Variants in TTLL11 observed in about 807,000 individuals in gnomAD.
TTLL11 encodes the protein tubulin tyrosine ligase like 11.
In TTLL11, 42 loss-of-function variants were observed where a neutral mutation model predicts 51.7. The ratio of observed to expected loss-of-function variants is 0.81; its 90% CI spans 0.64 to 1.05. The LOEUF (loss-of-function observed/expected upper bound fraction) is 1.05, where lower values mean the gene tolerates loss of function less well. Ranked by LOEUF, TTLL11 falls within the 50% of genes least tolerant of loss-of-function variation. The pLI, the probability that TTLL11 is intolerant of heterozygous loss-of-function variation, is 0.00. For synonymous variants in TTLL11, 381 were observed against 383.5 expected (o/e 0.99, Z 0.08); for missense variants, 799 against 940.4 (o/e 0.85, Z 1.97).
At position 121,917,538 on chromosome 9, in the gene TTLL11, G is replaced by A. The variant is rs1036641259; in HGVS notation, c.1482-46790C>T. On this transcript the variant is annotated intron_variant, in intron 6 of 8. Transcript: ENST00000321582. ...GAGAGAAAGAAAGGAAGGAAGGAAG[G>A]AAGGAAGAAAAAGAAAAAGAAAGAA... Among the ~76,000 whole-genome samples, 974 of 128,162 alleles carry A rather than the reference G, an allele frequency of 7.6e-3. 12 individuals are homozygous for A. The highest frequency in any genetic ancestry group is 0.033 in the African/African-American group (932 of 28,648). The allele number at this position is 128,162 out of a possible 152,430, so 84.1% of individuals were successfully genotyped here.
intron 6 of TTLL11, 77 bp downstream of exon 6, chr9:121,973,932 G>T: frequency 2.0e-6 from 2 of 1,005,908 alleles, no homozygotes; most frequent in South Asian, 1.5e-5. Flanking sequence ...CAGGTTCCAA[G>T]AACTTACCTG....
chr9:121,897,567 C>G (rs1010228203), intron 6 of TTLL11, among the ~76,000 whole-genome samples: 5 of 151,822 alleles, frequency 3.3e-5, no homozygotes, highest in Non-Finnish European at 5.9e-5. Context: ...AATGTCGACT[C>G]TTGGCTACCC....
chr9:121,960,068 G>C (rs941176038), intron 6 of TTLL11, among the ~76,000 whole-genome samples: 2 of 151,772 alleles, frequency 1.3e-5, no homozygotes, highest in Non-Finnish European at 2.9e-5. Context: ...CACACCTCCC[G>C]CTGCCCATCC....
chr9:121,852,169 G>A (rs1217205849), intron 8 of TTLL11, among the ~76,000 whole-genome samples: 1 of 152,198 alleles, frequency 6.6e-6, no homozygotes, highest in Non-Finnish European at 1.5e-5. Flanking sequence ...GCACTGTGTG[G>A]ACAAGTGACT....
chr9:121,923,149 C>T (rs1250795933), intron 6 of TTLL11, among the ~76,000 whole-genome samples: 1 of 152,128 alleles, frequency 6.6e-6, no homozygotes, highest in African/African-American at 2.4e-5. Flanking sequence ...GATTCTAGAG[C>T]TGGGTTTTAT....
chr9:122,052,079 G>GA (rs1288606437), intron 1 of TTLL11, among the ~76,000 whole-genome samples: 2 of 152,154 alleles, frequency 1.3e-5, no homozygotes, highest in East Asian at 3.8e-4. Flanking sequence ...AATACTGGTG[G>GA]AAATTGATGA....
Position 121,950,130 on chromosome 9 carries a change from G to C in TTLL11, c.1481+23879C>G, listed in dbSNP as rs1438243446. ...CCTGTACCATGTTGCGTCTGCACTA[G>C]CTTCATGCATTGGAAGAGTATTCCA... On this transcript the variant is annotated intron_variant, in intron 6 of 8. Transcript: ENST00000321582. 2.6e-5 allele frequency among the ~76,000 whole-genome samples: 4 copies of C among 152,234 alleles called. No individual in the cohort carries two copies. In the East Asian group the frequency reaches 5.8e-4, roughly 22 times the overall value.
chr9:122,006,999 A>AAC (rs1843673235), intron 3 of TTLL11, among the ~76,000 whole-genome samples: 1 of 147,284 alleles, frequency 6.8e-6, no homozygotes, highest in South Asian at 2.1e-4. Flanking sequence ...AAAAAAAAAA[A>AAC]AAAAAAAAAA....
At chr9:122,008,234 T>C (rs1033434448) in intron 3 of TTLL11, among the ~76,000 whole-genome samples, 1 of 152,238 alleles carries the variant, frequency 6.6e-6, no homozygotes, top group African/African-American at 2.4e-5. Context: ...TCTTTTGCTA[T>C]ACATTATTTG....
chr9:121,982,606 A>C, intron 4 of TTLL11, among the ~76,000 whole-genome samples: 1 of 151,450 alleles, frequency 6.6e-6, no homozygotes, highest in Non-Finnish European at 1.5e-5. Flanking sequence ...GCTGTAATCC[A>C]GCTACTTGGG....
chr9:121,984,328 A>G (rs761624727), intron 4 of TTLL11, among the ~76,000 whole-genome samples: 6 of 152,250 alleles, frequency 3.9e-5, no homozygotes, highest in Non-Finnish European at 7.3e-5. Context: ...GTGGTTACAG[A>G]TAACAAACAA....
intron 1 of TTLL11, among the ~76,000 whole-genome samples, chr9:122,060,410 A>T (rs1372600797): frequency 6.6e-6 from 1 of 152,256 alleles, no homozygotes; most frequent in Non-Finnish European, 1.5e-5. Flanking sequence ...TTCACTGCTC[A>T]GAAGAGGAAT....
At chr9:121,927,628 ATTTTT>A (rs59367881) in intron 6 of TTLL11, among the ~76,000 whole-genome samples, 46 of 144,088 alleles carry the variant, frequency 3.2e-4, no homozygotes, top group Non-Finnish European at 2.8e-4. Flanking sequence ...AGAAGGTGGC[ATTTTT>A]TTTTTTTTTT....
intron 3 of TTLL11, among the ~76,000 whole-genome samples, chr9:122,003,307 C>A (rs1345654093): frequency 6.6e-6 from 1 of 151,994 alleles, no homozygotes. Context: ...AATAGGCACT[C>A]ATACATATTC....
intron 8 of TTLL11, among the ~76,000 whole-genome samples, chr9:121,823,561 A>G (rs1336428607): frequency 6.6e-6 from 1 of 152,182 alleles, no homozygotes; most frequent in African/African-American, 2.4e-5. Context: ...ACAAAAACAA[A>G]AAAACCCAGC....
chr9:121,911,945 A>C (rs1029785368), intron 6 of TTLL11, among the ~76,000 whole-genome samples: 1 of 152,188 alleles, frequency 6.6e-6, no homozygotes, highest in Non-Finnish European at 1.5e-5. Context: ...AAAAATTTTA[A>C]AAAAAAGAAT....
rs576483772 is a variant in TTLL11, at chr9:121,943,095, G to A, written c.1481+30914C>T. Among the ~76,000 whole-genome samples the A allele has an allele frequency of 2.6e-5, 4 of 152,268 alleles. No individual in the cohort carries two copies. The East Asian group carries it at 5.8e-4, about 22-fold the overall frequency. On this transcript the variant is annotated intron_variant, in intron 6 of 8. Coordinates refer to ENST00000321582, the MANE Select transcript of TTLL11 (RefSeq NM_001139442.2). The stretch of plus-strand genomic sequence containing the variant: ...TGAAATGAGATGATGAGTGCAAAAC[G>A]CCTTGGGTGACCTTGACTCACCCCC...
intron 4 of TTLL11, among the ~76,000 whole-genome samples, chr9:121,984,173 A>G (rs1215634970): frequency 6.6e-6 from 1 of 152,176 alleles, no homozygotes; most frequent in Non-Finnish European, 1.5e-5. Context: ...GGTTGGGGTC[A>G]GGGGTGACAA....
chr9:121,869,404 T>C (rs747406103), intron 7 of TTLL11, among the ~76,000 whole-genome samples: 73 of 152,296 alleles, frequency 4.8e-4, no homozygotes, highest in Non-Finnish European at 9.6e-4. Flanking sequence ...TTAAAATCAC[T>C]GATGGGAAAA....
Sources: gnomAD v4.1 joint callset for allele counts (sites outside exome capture counted in the v4.1 genomes callset) on GRCh38, gnomAD v4.1.1 for gene constraint, MANE v1.5 for transcripts, NCBI Gene and HGNC (gene_info 2026-07-23, HGNC 2026-07-21) for gene names.